HMG20A: variants seen among roughly 807,000 people sequenced by gnomAD.
HMG20A encodes high mobility group 20A, also known as high mobility group protein 20A.
In HMG20A, 17 loss-of-function variants were observed where a neutral mutation model predicts 43.9. The ratio of observed to expected loss-of-function variants is 0.39; its 90% CI spans 0.27 to 0.58. The LOEUF (loss-of-function observed/expected upper bound fraction) is 0.58. HMG20A is among the 20% of genes least tolerant of loss of function. HMG20A has a pLI of 0.59. For missense variants in HMG20A, 341 were observed against 438.2 expected (o/e 0.78, Z 1.98); for synonymous variants, 132 against 147.5 (o/e 0.89, Z 0.76).
intron 1 of HMG20A, among the ~76,000 whole-genome samples, chr15:77,453,190 C>T (rs1442400265): frequency 6.6e-6 from 1 of 152,176 alleles, no homozygotes; most frequent in African/African-American, 2.4e-5. Flanking sequence ...AGGATCACAC[C>T]AGTGCACTCC....
chr15:77,515,280 C>T, the HMG20A span, among the ~76,000 whole-genome samples: 8 of 152,072 alleles, frequency 5.3e-5, no homozygotes, highest in African/African-American at 1.2e-4. Flanking sequence ...AGGAGGCAGC[C>T]GCCAGCTAAA....
intron 1 of HMG20A, among the ~76,000 whole-genome samples, chr15:77,448,856 G>A (rs2142308436): frequency 6.6e-6 from 1 of 152,098 alleles, no homozygotes; most frequent in South Asian, 2.1e-4. Flanking sequence ...GGCCGAGGTG[G>A]GTGGATCACA....
rs771845754 is a variant in HMG20A at position 77,458,473 on chromosome 15, G to T, written c.66G>T (p.Glu22Asp). Residue 22 changes from glutamate to aspartate, a missense_variant, in exon 2 of 10, where the codon GAG (glutamate) becomes GAT (aspartate). By Grantham distance (45) the Glu-to-Asp change is conservative (BLOSUM62 2). This residue lies in a region of HMG20A where 220 missense variants were observed against 263.6 expected (regional missense o/e 0.83). Transcript: ENST00000336216. Reference sequence around the variant, plus strand: ...TTGCAGATGAAGACGGTTCCAAGGAGAGTAATGATCTGGCTACCACTGGGT... The same window carrying T: ...TTGCAGATGAAGACGGTTCCAAGGATAGTAATGATCTGGCTACCACTGGGT... ...PLFADEDGSK[E>D]SNDLATTGLN... 6.2e-7 allele frequency: 1 copy of T among 1,613,042 alleles called. No individual in the cohort carries two copies. The highest frequency in any genetic ancestry group is 1.1e-5 in the South Asian group (1 of 91,042).
the HMG20A span, among the ~76,000 whole-genome samples, chr15:77,515,385 TAAAA>T: frequency 1.1e-4 from 16 of 151,558 alleles, no homozygotes; most frequent in African/African-American, 3.6e-4. Flanking sequence ...CTGTTTTTTT[TAAAA>T]AAAGTTATCT....
At chr15:77,479,404 C>A in intron 9 of HMG20A, 83 bp downstream of exon 9, 1 of 1,317,746 alleles carries the variant, frequency 7.6e-7, no homozygotes, top group Non-Finnish European at 1.1e-6. Flanking sequence ...ACTACTAAAA[C>A]CCTGGGATTA....
At chr15:77,445,891 T>G (rs1311489392) in intron 1 of HMG20A, among the ~76,000 whole-genome samples, 1 of 152,222 alleles carries the variant, frequency 6.6e-6, no homozygotes, top group Non-Finnish European at 1.5e-5. Flanking sequence ...TTAAAACTTA[T>G]GAATTATTTC....
chr15:77,463,160 T>A (rs1281011648), intron 2 of HMG20A, among the ~76,000 whole-genome samples: 1 of 152,204 alleles, frequency 6.6e-6, no homozygotes, highest in Non-Finnish European at 1.5e-5. Flanking sequence ...AGTAACCTCT[T>A]GATAGTCTCC....
rs1374614762 is a variant in HMG20A at position 77,476,620 on chromosome 15, TCCTGGGATCTTAAGATTTCA to T, written c.616-933_616-914del. 4.9e-4 allele frequency among the ~76,000 whole-genome samples: 74 copies of T among 151,936 alleles called. 1 individual carries two copies. Among genetic ancestry groups the T allele is most frequent in the Non-Finnish European group, 1.5e-5 (1 of 68,006 alleles). On this transcript the variant is annotated intron_variant, in intron 6 of 9. Coordinates refer to ENST00000336216, the MANE Select transcript of HMG20A (RefSeq NM_001304504.2). ...TTGCATGTTTTTCATGTTATAAAGGTCCTGGGATCTTAAGATTTCACTAGCAGTTTCTTCATTTCTCACTT... is the reference window on the plus strand; with the variant it reads ...TTGCATGTTTTTCATGTTATAAAGGTCTAGCAGTTTCTTCATTTCTCACTT...
rs188290464 is a variant in HMG20A, at chr15:77,449,078, A to T, written c.-4-9326A>T. 1.3e-3 allele frequency among the ~76,000 whole-genome samples: 204 copies of T among 152,066 alleles called. 1 individual carries two copies. The highest frequency in any genetic ancestry group is 4.8e-3 in the African/African-American group (199 of 41,488). On this transcript the variant is annotated intron_variant, in intron 1 of 9. Coordinates refer to ENST00000336216, the MANE Select transcript of HMG20A (RefSeq NM_001304504.2). Reference sequence around the variant, plus strand: ...TAAATAAATAAATAATAAAATAAAGATCAATAATAGTCATAGGAGCCTGGA... The same window carrying T: ...TAAATAAATAAATAATAAAATAAAGTTCAATAATAGTCATAGGAGCCTGGA...
the HMG20A span, among the ~76,000 whole-genome samples, chr15:77,491,944 G>T: frequency 4.2e-3 from 643 of 152,308 alleles, 4 homozygotes; most frequent in African/African-American, 0.015. Flanking sequence ...CTTTTGTTTT[G>T]CAGGCAGAGG....
Position 77,470,989 on chromosome 15 carries a change from A to G in HMG20A, c.530A>G (p.Lys177Arg), listed in dbSNP as rs1595929114. Residue 177 changes from lysine to arginine, a missense_variant, in exon 5 of 10, where the codon AAG (lysine) becomes AGG (arginine). Physicochemically the swap from Lys to Arg is conservative, Grantham distance 26. This residue lies in a region of HMG20A where 220 missense variants were observed against 263.6 expected (regional missense o/e 0.83). Transcript: ENST00000336216. ...LEQYQKTEAY[K>R]VFSRKTQDRQ... ...CAGTATCAGAAAACAGAGGCCTACA[A>G]GGTCTTCAGTAGGAAAACCCAGGAC... 6.2e-7 allele frequency: 1 copy of G among 1,613,472 alleles called. No individual in the cohort carries two copies. Among genetic ancestry groups the G allele is most frequent in the East Asian group, 2.2e-5 (1 of 44,816 alleles).
At chr15:77,466,179 G>A (rs918161858) in intron 3 of HMG20A, among the ~76,000 whole-genome samples, 3 of 152,238 alleles carry the variant, frequency 2.0e-5, no homozygotes, top group East Asian at 1.9e-4. Context: ...TCAGGAGTTC[G>A]AGACCAGCCT....
intron 1 of HMG20A, among the ~76,000 whole-genome samples, chr15:77,436,598 A>G (rs1424760380): frequency 6.6e-6 from 1 of 151,694 alleles, no homozygotes; most frequent in African/African-American, 2.4e-5. Context: ...AGCTGGGGCC[A>G]TGGGTGTGCA....
At chr15:77,473,659 A>G (rs888449858) in intron 6 of HMG20A, among the ~76,000 whole-genome samples, 2 of 152,216 alleles carry the variant, frequency 1.3e-5, no homozygotes, top group Non-Finnish European at 2.9e-5. Flanking sequence ...CCTGCTGCTG[A>G]TTATTTGAGA....
the HMG20A span, among the ~76,000 whole-genome samples, chr15:77,491,071 T>C: frequency 4.6e-5 from 7 of 152,260 alleles, no homozygotes; most frequent in Non-Finnish European, 5.9e-5. Context: ...CTGCATTTGT[T>C]TAAGATTGAC....
chr15:77,493,629 A>G, the HMG20A span, among the ~76,000 whole-genome samples: 4 of 152,226 alleles, frequency 2.6e-5, no homozygotes, highest in Non-Finnish European at 5.9e-5. Context: ...TAATCCCTCC[A>G]GAGGTGGTGG....
Position 77,477,546 on chromosome 15 carries a change from G to T in HMG20A, c.616-9G>T, listed in dbSNP as rs1313765530. ...AAGAATTAACTGTTTTGTTCCTCTT[G>T]ATTCACAGAAAGAAACAGAGGTAAA... On this transcript the variant is annotated splice_polypyrimidine_tract_variant and intron_variant, in intron 6 of 9. Transcript: ENST00000336216. 6.3e-7 allele frequency: 1 copy of T among 1,593,036 alleles called. No homozygotes were observed.
At chr15:77,432,201 G>T (rs907131213) in intron 1 of HMG20A, among the ~76,000 whole-genome samples, 1 of 152,106 alleles carries the variant, frequency 6.6e-6, no homozygotes, top group Non-Finnish European at 1.5e-5. Flanking sequence ...TAGAAATCAC[G>T]ATGGCAATTA....
intron 1 of HMG20A, among the ~76,000 whole-genome samples, chr15:77,450,002 C>G (rs1395285193): frequency 6.6e-6 from 1 of 152,176 alleles, no homozygotes; most frequent in African/African-American, 2.4e-5. Flanking sequence ...CATACTTTTG[C>G]TTATCCAGGA....
Sources: allele counts gnomAD v4.1 joint callset (sites outside exome capture counted in the v4.1 genomes callset), GRCh38; gene constraint gnomAD v4.1.1; regional missense constraint gnomAD v4.1.1; transcripts MANE v1.5; gene names NCBI Gene and HGNC (gene_info 2026-07-23, HGNC 2026-07-21).